MGAM: variants seen among roughly 807,000 people sequenced by gnomAD.
MGAM encodes maltase-glucoamylase, also known as alpha-1,4-glucosidase.
A neutral mutation model predicts 358.8 loss-of-function variants in MGAM; 253 were observed. The ratio of observed to expected loss-of-function variants is 0.71; its 90% CI spans 0.64 to 0.78. MGAM has a LOEUF of 0.78. Among genes scored for constraint, MGAM ranks in the 30% least tolerant of loss-of-function variants. The pLI, the probability that MGAM is intolerant of heterozygous loss-of-function variation, is 0.00. For synonymous variants in MGAM, 1,105 were observed against 1,227.1 expected (o/e 0.90, Z 2.08); for missense variants, 3,080 against 3,432.6 (o/e 0.90, Z 2.57).
chr7:142,010,596 C>T (rs1805524712), intron 3 of MGAM, among the ~76,000 whole-genome samples: 3 of 152,122 alleles, frequency 2.0e-5, no homozygotes, highest in South Asian at 4.1e-4. Context: ...CCAGGTGCCC[C>T]TTGGCATCCC....
chr7:142,018,448 G>A (rs575812839), intron 3 of MGAM, among the ~76,000 whole-genome samples: 9 of 152,304 alleles, frequency 5.9e-5, no homozygotes, highest in Non-Finnish European at 1.0e-4. Context: ...TGAAAGCAGC[G>A]TCTCATTGTT....
chr7:142,065,972 T>G (rs79252804), intron 40 of MGAM, 141 bp downstream of exon 40: 5 of 785,006 alleles, frequency 6.4e-6, no homozygotes, highest in South Asian at 2.0e-5. Flanking sequence ...TGTTTTGTTT[T>G]TTTTTTTGAA....
chr7:142,099,774 G>A, intron 67 of MGAM, 37 bp downstream of exon 67: 1 of 1,607,810 alleles, frequency 6.2e-7, no homozygotes, highest in South Asian at 1.1e-5. Flanking sequence ...TTACATGTCA[G>A]TTAGCTCAAC....
chr7:142,060,454 T>A (rs1159032051), intron 34 of MGAM, 81 bp downstream of exon 34: 1 of 1,511,740 alleles, frequency 6.6e-7, no homozygotes, highest in African/African-American at 1.4e-5. Context: ...GACATGCCTG[T>A]ACCGTGGACA....
chr7:142,067,965 A>ATACATAAATATAT (rs1812963514), intron 42 of MGAM, among the ~76,000 whole-genome samples: 1 of 30,112 alleles, frequency 3.3e-5, no homozygotes, highest in African/African-American at 1.1e-4. Context: ...TATATATATA[A>ATACATAAATATAT]ATATATATAT....
rs556071115 is a variant in MGAM at position 141,988,234 on chromosome 7, G to A, written c.-2-17295G>A. Among the ~76,000 whole-genome samples the A allele has an allele frequency of 2.2e-3, 338 of 152,198 alleles. 4 individuals are homozygous for A. Among genetic ancestry groups the A allele is most frequent in the African/African-American group, 7.8e-3 (325 of 41,544 alleles). On this transcript the variant is annotated intron_variant, in intron 2 of 5. Coordinates refer to the MGAM transcript ENST00000465654. ...ACCCAGGAGGAGGAGGTTGCAGTGAGCCGAGATTGCGCCACTGCACTTCAG... is the reference window on the plus strand; with the variant it reads ...ACCCAGGAGGAGGAGGTTGCAGTGAACCGAGATTGCGCCACTGCACTTCAG...
chr7:142,094,493 C>G lies in MGAM; in HGVS notation c.7302C>G (p.Ile2434Met), dbSNP rs1815704307. 6 of 1,545,098 alleles carry G rather than the reference C, an allele frequency of 3.9e-6. No individual in the cohort carries two copies. In the East Asian group the frequency reaches 1.4e-4, roughly 36 times the overall value. The change falls in exon 61 of 71, where the codon ATC becomes ATG. Residue 2434 changes from isoleucine (I) to methionine (M), a missense_variant. Around this residue, in one of 5 missense-constraint regions of MGAM, gnomAD observed 932 missense variants for 1,198.2 expected, o/e 0.78. Transcript: ENST00000475668. ...TAAWDQLKKS[I>M]IGMMEFSLFG... The stretch of plus-strand genomic sequence containing the variant: ...CGTGGGATCAGCTGAAGAAGTCTAT[C>G]ATTGGTGCGTGGGTCCTTCCCAGGG...
At chr7:142,034,554 A>C in intron 15 of MGAM, 116 bp from the exon 16 acceptor site, 1 of 1,035,638 alleles carries the variant, frequency 9.7e-7, no homozygotes. Flanking sequence ...GTACCGAAAG[A>C]GAGTTGGAAG....
intron 33 of MGAM, 62 bp from the exon 34 acceptor site, chr7:142,060,249 A>T: frequency 6.3e-7 from 1 of 1,584,974 alleles, no homozygotes; most frequent in Non-Finnish European, 8.7e-7. Flanking sequence ...ACAATTTATT[A>T]GGAAATACTA....
intron 21 of MGAM, among the ~76,000 whole-genome samples, chr7:142,042,493 A>G (rs1373467137): frequency 8.5e-5 from 1 of 11,780 alleles, no homozygotes; most frequent in Non-Finnish European, 1.6e-4. Flanking sequence ...TTATATACAT[A>G]TATATAATAT....
At position 142,075,442 on chromosome 7, in the gene MGAM, T is replaced by G. The variant is rs937478043; in HGVS notation, c.5276-761T>G. Among the ~76,000 whole-genome samples, 3 of 146,358 alleles carry G rather than the reference T, an allele frequency of 2.0e-5. 1 individual carries two copies. Among genetic ancestry groups the G allele is most frequent in the Non-Finnish European group, 3.1e-5 (2 of 64,560 alleles). ...ATGCCAAAAAGTAAACAGGCGTGAC[T>G]ACATCAAACTAAAAGGCTCCTGCAC... is the stretch of plus-strand genomic sequence containing the variant. On this transcript the variant is annotated intron_variant, in intron 45 of 70. Transcript: ENST00000475668.
rs558901837 is a variant in MGAM at position 142,065,473 on chromosome 7, G to T, written c.4618+5G>T. 1.5e-5 allele frequency: 24 copies of T among 1,610,524 alleles called. No individual in the cohort carries two copies. The highest frequency in any genetic ancestry group is 9.3e-6 in the Non-Finnish European group (11 of 1,179,210). ...AGCTGAAGAAGTCTATCATTGGTGC[G>T]TGGGTCCTTCCCCAGGGCCTTTGCC... On this transcript the variant is annotated splice_donor_5th_base_variant and intron_variant, in intron 38 of 70. Coordinates refer to ENST00000475668, the MANE Select transcript of MGAM (RefSeq NM_001365693.1).
Position 142,095,648 on chromosome 7 carries a change from T to C in MGAM, c.7542T>C (p.Tyr2514=), listed in dbSNP as rs374737275. Residue 2514 remains tyrosine (Y), a synonymous_variant, in exon 64 of 71, where the codon TAT becomes TAC. Coordinates refer to ENST00000475668, the MANE Select transcript of MGAM (RefSeq NM_001365693.1). ...AGACCAGATACACCCTGTTGCCATA[T>C]CTGTATACCTTGATGCATAAGGCCC... ...VLQTRYTLLP[Y]LYTLMHKAHT... 3.7e-6 allele frequency: 6 copies of C among 1,613,828 alleles called. No individual in the cohort carries two copies. In the African/African-American group the frequency reaches 8.0e-5, roughly 22 times the overall value.
In MGAM at chr7:142,005,643, C is replaced by A; in HGVS notation, c.113C>A (p.Ser38Ter). The A allele has an allele frequency of 6.2e-7, 1 of 1,600,618 alleles. No individual in the cohort carries two copies. Among genetic ancestry groups the A allele is most frequent in the South Asian group, 1.1e-5 (1 of 89,032 alleles). ...IVLIVLLAKE[S>*]LKSTAPDPGT... Reference sequence around the variant, plus strand: ...CTAATTGTGCTTTTAGCCAAAGAGTCACTGAAATCAACAGGTAAGAAGTAA... The same window carrying A: ...CTAATTGTGCTTTTAGCCAAAGAGTAACTGAAATCAACAGGTAAGAAGTAA... The change falls in exon 2 of 71, where the codon TCA (serine) becomes TAA (stop). Residue 38 changes from serine (S) to a stop codon, truncating the protein, a stop_gained. Transcript: ENST00000475668. LOFTEE classifies it high-confidence loss of function.
In MGAM at chr7:142,059,468, G is replaced by T. The variant is rs116359955; in HGVS notation, c.3820-4G>T. ...GCCTCTCAGCTCCCCATGTCCTCCC[G>T]CAGGATGTGCAGTACTCAGACATCG... On this transcript the variant is annotated splice_polypyrimidine_tract_variant and splice_region_variant and intron_variant, in intron 31 of 70. Transcript: ENST00000475668. 6.2e-7 allele frequency: 1 copy of T among 1,605,726 alleles called. No individual in the cohort carries two copies. The highest frequency in any genetic ancestry group is 1.1e-5 in the South Asian group (1 of 90,324).
In MGAM at chr7:142,055,845, G is replaced by C. The variant is rs1811468847; in HGVS notation, c.3483+119G>C. 9 of 1,508,096 alleles carry C rather than the reference G, an allele frequency of 6.0e-6. No individual in the cohort carries two copies. In the East Asian group the frequency reaches 2.1e-4, roughly 35 times the overall value. 93.4% of individuals were successfully genotyped at this position (1,508,096 alleles called of 1,614,324 possible). ...TCACATTCTGCTTTTAGGCAAGTGG[G>C]CCAATTCTCAGGCTCCTTTGTTTCA... On this transcript the variant is annotated intron_variant, in intron 28 of 70. Coordinates refer to ENST00000475668, the MANE Select transcript of MGAM (RefSeq NM_001365693.1).
intron 70 of MGAM, among the ~76,000 whole-genome samples, chr7:142,104,841 T>G (rs1220255914): frequency 6.6e-6 from 1 of 152,206 alleles, no homozygotes; most frequent in Non-Finnish European, 1.5e-5. Context: ...ATCCCGATGG[T>G]AAATGAAACT....
Position 142,034,312 on chromosome 7 carries a change from C to T in MGAM, c.1720C>T (p.Gln574Ter). 1 of 1,599,802 alleles carries T rather than the reference C, an allele frequency of 6.3e-7. No homozygotes were observed. Among genetic ancestry groups the T allele is most frequent in the South Asian group, 1.1e-5 (1 of 88,238 alleles). The stretch of plus-strand genomic sequence containing the variant: ...CAAGACTCTCTGTATGGATGCAGTG[C>T]AGCACTGGGGCAAGCAGTATGACAT... The part of the protein sequence containing the change: ...FCKTLCMDAV[Q>*]HWGKQYDIHN... Residue 574 changes from glutamine (Q) to a stop codon, truncating the protein, a stop_gained, in exon 15 of 71, where the codon CAG becomes TAG. Coordinates refer to ENST00000475668, the MANE Select transcript of MGAM (RefSeq NM_001365693.1). LOFTEE classifies it high-confidence loss of function.
At chr7:142,028,320 C>A (rs1330770734) in intron 10 of MGAM, among the ~76,000 whole-genome samples, 3 of 152,112 alleles carry the variant, frequency 2.0e-5, no homozygotes, top group Non-Finnish European at 4.4e-5. Context: ...AGGCTCCCTA[C>A]CTATGTTTTA....
Sources: gnomAD v4.1 joint callset for allele counts (sites outside exome capture counted in the v4.1 genomes callset) on GRCh38, gnomAD v4.1.1 for gene constraint, gnomAD v4.1.1 regional missense constraint, MANE v1.5 for transcripts, NCBI Gene and HGNC (gene_info 2026-07-23, HGNC 2026-07-21) for gene names.